Variants in CDK8 observed in about 807,000 individuals in gnomAD.
CDK8 encodes cyclin-dependent kinase 8.
A neutral mutation model predicts 71.5 loss-of-function variants in CDK8; 29 were observed. The observed-to-expected ratio is 0.41, with a 90% confidence interval of 0.30 to 0.55. The LOEUF is 0.55. Among genes scored for constraint, CDK8 ranks in the 20% least tolerant of loss-of-function variants. CDK8 has a pLI of 0.37. For missense variants in CDK8, 288 were observed against 572.6 expected, an observed-to-expected ratio of 0.50 and a Z score of 5.07; for synonymous variants, 161 against 192.1, an observed-to-expected ratio of 0.84 and a Z score of 1.34.
chr13:26,326,091 C>G (rs915686999), intron 1 of CDK8, among the ~76,000 whole-genome samples: 3 of 152,134 alleles, frequency 2.0e-5, no homozygotes, highest in African/African-American at 7.2e-5. Flanking sequence ...GCCTTTGTCC[C>G]TAAGTGTGGT....
At chr13:26,332,587 G>A (rs561632836) in intron 1 of CDK8, among the ~76,000 whole-genome samples, 1 of 151,880 alleles carries the variant, frequency 6.6e-6, no homozygotes, top group Admixed American at 6.6e-5. Context: ...CTGTCTGATC[G>A]CTCTACCTAG....
At chr13:26,399,761 C>T (rs117350421) in intron 9 of CDK8, among the ~76,000 whole-genome samples, 5,907 of 152,300 alleles carry the variant, frequency 0.039, 175 homozygotes, top group Non-Finnish European at 0.064. Flanking sequence ...TTTTAATCTC[C>T]ATTTGACAAA....
chr13:26,276,975 G>C (rs569803367), intron 1 of CDK8, among the ~76,000 whole-genome samples: 81 of 152,260 alleles, frequency 5.3e-4, no homozygotes, highest in African/African-American at 1.9e-3. Flanking sequence ...ATTTGTCCTT[G>C]ACCATGCAGT....
intron 6 of CDK8, 65 bp from the exon 7 acceptor site, chr13:26,393,302 C>A: frequency 1.9e-6 from 2 of 1,079,108 alleles, no homozygotes; most frequent in Non-Finnish European, 2.6e-6. Flanking sequence ...CTTTATTTTG[C>A]ACCTTTCTTT....
chr13:26,349,970 G>A (rs1296730392), intron 3 of CDK8, among the ~76,000 whole-genome samples: 1 of 152,114 alleles, frequency 6.6e-6, no homozygotes, highest in Non-Finnish European at 1.5e-5. Context: ...CATATGTTTA[G>A]ATAACACACT....
At chr13:26,259,916 A>C (rs901261148) in intron 1 of CDK8, among the ~76,000 whole-genome samples, 2 of 152,202 alleles carry the variant, frequency 1.3e-5, no homozygotes, top group African/African-American at 4.8e-5. Context: ...TAAATGTTGC[A>C]ATTCAATAAG....
At chr13:26,257,270 A>G (rs1392784894) in intron 1 of CDK8, among the ~76,000 whole-genome samples, 2 of 152,202 alleles carry the variant, frequency 1.3e-5, no homozygotes, top group Non-Finnish European at 2.9e-5. Flanking sequence ...ATTGAAATGA[A>G]TGTATGTAAA....
chr13:26,392,479 C>A (rs774082922), intron 6 of CDK8, among the ~76,000 whole-genome samples: 2 of 151,884 alleles, frequency 1.3e-5, no homozygotes, highest in Non-Finnish European at 2.9e-5. Context: ...AGCCGCGTGC[C>A]GCCATGCCCA....
intron 4 of CDK8, among the ~76,000 whole-genome samples, chr13:26,369,471 A>AG (rs1874552936): frequency 6.9e-6 from 1 of 145,422 alleles, no homozygotes; most frequent in South Asian, 2.2e-4. Flanking sequence ...AAAAAAAAAA[A>AG]GTAAAAGTCC....
chr13:26,332,416 C>T (rs539140110), intron 1 of CDK8, among the ~76,000 whole-genome samples: 2 of 151,692 alleles, frequency 1.3e-5, no homozygotes, highest in Non-Finnish European at 2.9e-5. Flanking sequence ...ACCCAGGAGG[C>T]GGAGGCTGCA....
intron 1 of CDK8, among the ~76,000 whole-genome samples, chr13:26,273,979 A>T (rs553091404): frequency 2.0e-5 from 3 of 152,244 alleles, no homozygotes. Context: ...ATCTTTCTAA[A>T]TCTTTCTGTT....
At chr13:26,383,956 A>G (rs985931407) in intron 5 of CDK8, among the ~76,000 whole-genome samples, 13 of 152,356 alleles carry the variant, frequency 8.5e-5, no homozygotes, top group African/African-American at 3.1e-4. Context: ...GAGTCTCTCC[A>G]GTCCATTTTT....
At chr13:26,362,526 A>C (rs1218350775) in intron 4 of CDK8, among the ~76,000 whole-genome samples, 2 of 152,190 alleles carry the variant, frequency 1.3e-5, no homozygotes, top group Non-Finnish European at 2.9e-5. Context: ...TCTGATTTCC[A>C]AGAGCAGGAG....
At chr13:26,310,172 C>T (rs1202538687) in intron 1 of CDK8, among the ~76,000 whole-genome samples, 4 of 152,216 alleles carry the variant, frequency 2.6e-5, no homozygotes, top group Non-Finnish European at 5.9e-5. Flanking sequence ...ACTATCTACC[C>T]AGTAACTACT....
intron 2 of CDK8, among the ~76,000 whole-genome samples, chr13:26,338,939 CT>C (rs1344032800): frequency 6.7e-6 from 1 of 148,482 alleles, no homozygotes; most frequent in African/African-American, 2.5e-5. Flanking sequence ...TGTTCACATG[CT>C]TTTCTCTTGT....
At chr13:26,332,184 G>A (rs193162496) in intron 1 of CDK8, among the ~76,000 whole-genome samples, 2 of 151,904 alleles carry the variant, frequency 1.3e-5, no homozygotes, top group African/African-American at 4.8e-5. Context: ...GAATTTATTT[G>A]CCAAATCTAA....
intron 6 of CDK8, among the ~76,000 whole-genome samples, chr13:26,388,401 T>C (rs1001531680): frequency 5.9e-5 from 9 of 152,224 alleles, no homozygotes; most frequent in African/African-American, 2.2e-4. Context: ...TCTTTGCAAG[T>C]GTACTCTAAA....
intron 1 of CDK8, among the ~76,000 whole-genome samples, chr13:26,259,360 T>C (rs1042725495): frequency 2.0e-5 from 3 of 152,184 alleles, no homozygotes; most frequent in Admixed American, 1.3e-4. Context: ...TTCTTGTCAT[T>C]ATTTCCTTAA....
rs3027999 is a variant in CDK8, at chr13:26,268,256, AACACACACACACACACACACACAC to A, written c.128+13517_128+13540del. Among the ~76,000 whole-genome samples, 16 of 116,790 alleles carry A rather than the reference AACACACACACACACACACACACAC, an allele frequency of 1.4e-4. 1 individual carries two copies. Among genetic ancestry groups the A allele is most frequent in the Non-Finnish European group, 2.3e-4 (13 of 57,466 alleles). 76.6% of individuals were successfully genotyped at this position (116,790 alleles called of 152,430 possible). On this transcript the variant is annotated intron_variant, in intron 1 of 12. Coordinates refer to ENST00000381527, the MANE Select transcript of CDK8 (RefSeq NM_001260.3). ...TGAAAGTTTTGCTCCCCCCTCCCCCAACACACACACACACACACACACACACACACACACACACACACACACACA... is the reference window on the plus strand; with the variant it reads ...TGAAAGTTTTGCTCCCCCCTCCCCCAACACACACACACACACACACACACA...
Sources: allele counts gnomAD v4.1 joint callset (sites outside exome capture counted in the v4.1 genomes callset), GRCh38; gene constraint gnomAD v4.1.1; transcripts MANE v1.5; gene names NCBI Gene and HGNC (gene_info 2026-07-23, HGNC 2026-07-21).